The following KIAA1328 variants were observed in gnomAD, a reference collection of about 807,000 sequenced individuals.
The protein encoded by KIAA1328 is KIAA1328.
In KIAA1328, 52 loss-of-function variants were observed where a neutral mutation model predicts 68.1. That is an observed-to-expected ratio of 0.76 (90% CI 0.61 to 0.96). The LOEUF (loss-of-function observed/expected upper bound fraction) is 0.96, where lower values mean the gene tolerates loss of function less well. KIAA1328 is among the 40% of genes least tolerant of loss of function. The pLI is 0.00. For missense variants in KIAA1328, 641 were observed against 677.6 expected (o/e 0.95, Z 0.60); for synonymous variants, 232 against 239.4 (o/e 0.97, Z 0.28).
Position 36,948,349 on chromosome 18 carries a change from A to G in KIAA1328, c.449-10959A>G, listed in dbSNP as rs532683410. On this transcript the variant is annotated intron_variant, in intron 5 of 9. Coordinates refer to ENST00000280020, the MANE Select transcript of KIAA1328 (RefSeq NM_020776.3). ...CGATCTCGGCTCACTGCAACCTCCA[A>G]CTTCTTGGTTCAAGTGATTCTCCTG... Among the ~76,000 whole-genome samples the G allele has an allele frequency of 4.2e-4, 62 of 148,270 alleles. 1 individual carries two copies. Among genetic ancestry groups the G allele is most frequent in the African/African-American group, 1.5e-3 (62 of 40,258 alleles).
chr18:37,117,213 A>G (rs944741296), intron 7 of KIAA1328, among the ~76,000 whole-genome samples: 15 of 152,224 alleles, frequency 9.9e-5, no homozygotes, highest in Non-Finnish European at 2.1e-4. Flanking sequence ...CTGTGGCACT[A>G]TTCACAATAG....
At chr18:36,904,952 A>G (rs1240732699) in intron 5 of KIAA1328, among the ~76,000 whole-genome samples, 1 of 151,954 alleles carries the variant, frequency 6.6e-6, no homozygotes, top group African/African-American at 2.4e-5. Flanking sequence ...GGCTTATACT[A>G]CTTTAGCTAC....
intron 9 of KIAA1328, among the ~76,000 whole-genome samples, chr18:37,218,685 A>T (rs887640070): frequency 6.6e-6 from 1 of 152,136 alleles, no homozygotes; most frequent in Non-Finnish European, 1.5e-5. Flanking sequence ...GGTCTTCTCT[A>T]CACTGTTTAT....
intron 7 of KIAA1328, among the ~76,000 whole-genome samples, chr18:37,101,519 A>G (rs1277637829): frequency 1.3e-5 from 2 of 152,244 alleles, no homozygotes; most frequent in Non-Finnish European, 2.9e-5. Flanking sequence ...GGACTATGTG[A>G]AAAGACCAAA....
intron 7 of KIAA1328, among the ~76,000 whole-genome samples, chr18:37,073,162 A>T (rs10438948): frequency 0.15 from 23,541 of 152,210 alleles, 1,951 homozygotes; most frequent in African/African-American, 0.2. Context: ...AAATTGACAA[A>T]TGGGATCTAA....
chr18:37,192,997 AAATTTGCTTT>A (rs2059935465), intron 9 of KIAA1328, among the ~76,000 whole-genome samples: 1 of 152,188 alleles, frequency 6.6e-6, no homozygotes, highest in Non-Finnish European at 1.5e-5. Flanking sequence ...AAATTTGCCC[AAATTTGCTTT>A]TCATATCAAA....
intron 6 of KIAA1328, among the ~76,000 whole-genome samples, chr18:36,995,479 C>G (rs1598922669): frequency 6.6e-6 from 1 of 152,110 alleles, no homozygotes; most frequent in East Asian, 1.9e-4. Flanking sequence ...TTTCCAGTTT[C>G]TCGGTCCATC....
intron 5 of KIAA1328, among the ~76,000 whole-genome samples, chr18:36,937,879 G>T (rs1451650191): frequency 6.6e-6 from 1 of 151,866 alleles, no homozygotes; most frequent in East Asian, 1.9e-4. Context: ...TTCCATTCTT[G>T]GCTTATTTCA....
intron 7 of KIAA1328, among the ~76,000 whole-genome samples, chr18:37,076,132 T>C (rs868248405): frequency 1.8e-4 from 27 of 152,264 alleles, no homozygotes; most frequent in South Asian, 1.0e-3. Context: ...TAACAAACTG[T>C]CTCTCAGACC....
At chr18:37,010,939 C>G (rs571646534) in intron 6 of KIAA1328, among the ~76,000 whole-genome samples, 1 of 152,228 alleles carries the variant, frequency 6.6e-6, no homozygotes, top group Non-Finnish European at 1.5e-5. Flanking sequence ...GCTTCATGCT[C>G]TCAAGAAAGT....
rs528594355 is a variant in KIAA1328 at position 37,134,040 on chromosome 18, G to A, written c.1233-26160G>A. On this transcript the variant is annotated intron_variant, in intron 7 of 9. Transcript: ENST00000280020. ...CATTCTTTTTTTTTTTTGAGATGGA[G>A]TCTTGCTCCATAGCCCAGGCTGGAG... is the stretch of plus-strand genomic sequence containing the variant. 1.3e-4 allele frequency among the ~76,000 whole-genome samples: 19 copies of A among 150,910 alleles called. No homozygotes were observed. In the South Asian group the frequency reaches 3.8e-3, roughly 30 times the overall value.
chr18:37,079,292 G>T (rs1172116048), intron 7 of KIAA1328, among the ~76,000 whole-genome samples: 1 of 110,302 alleles, frequency 9.1e-6, no homozygotes, highest in Admixed American at 9.0e-5. Flanking sequence ...AGAACACATG[G>T]ACACAGGAAG....
At chr18:37,034,904 T>A (rs540885788) in intron 6 of KIAA1328, among the ~76,000 whole-genome samples, 1 of 152,286 alleles carries the variant, frequency 6.6e-6, no homozygotes, top group East Asian at 1.9e-4. Context: ...GTAATGGATA[T>A]AAAATGTGAA....
chr18:37,025,387 C>G (rs1405827815), intron 6 of KIAA1328, among the ~76,000 whole-genome samples: 1 of 152,208 alleles, frequency 6.6e-6, no homozygotes, highest in Non-Finnish European at 1.5e-5. Flanking sequence ...TAGACATATA[C>G]AGAACTCTCC....
At chr18:37,136,989 G>GTTGCTGCCGC (rs1429729959) in intron 7 of KIAA1328, among the ~76,000 whole-genome samples, 1 of 152,078 alleles carries the variant, frequency 6.6e-6, no homozygotes, top group Non-Finnish European at 1.5e-5. Context: ...CTTTCCCTCA[G>GTTGCTGCCGC]TTGCTGCTGC....
At chr18:37,151,314 C>A (rs1367541929) in intron 7 of KIAA1328, among the ~76,000 whole-genome samples, 4 of 152,130 alleles carry the variant, frequency 2.6e-5, no homozygotes, top group South Asian at 2.1e-4. Context: ...TTGAATTTGA[C>A]CAGTCGGTAT....
intron 7 of KIAA1328, among the ~76,000 whole-genome samples, chr18:37,134,118 A>G (rs1340827686): frequency 6.6e-6 from 1 of 151,678 alleles, no homozygotes; most frequent in East Asian, 2.0e-4. Flanking sequence ...GATACAAGCG[A>G]TTCTCCTGCC....
chr18:36,875,470 CTAT>C (rs1219082873), intron 4 of KIAA1328, among the ~76,000 whole-genome samples: 12 of 152,184 alleles, frequency 7.9e-5, no homozygotes, highest in East Asian at 1.9e-4. Flanking sequence ...CTCTGTTTGT[CTAT>C]TATTGGTGTA....
At chr18:36,883,952 G>GTATATGTGTATATATATATATATATATA (rs540895118) in intron 4 of KIAA1328, among the ~76,000 whole-genome samples, 1,517 of 120,492 alleles carry the variant, frequency 0.013, 36 homozygotes, top group Non-Finnish European at 0.018. Context: ...TATTTATAAA[G>GTATATGTGTATATATATATATATATATA]TATATATATA....
Sources: allele counts gnomAD v4.1 joint callset (sites outside exome capture counted in the v4.1 genomes callset), GRCh38; gene constraint gnomAD v4.1.1; transcripts MANE v1.5; gene names NCBI Gene and HGNC (gene_info 2026-07-23, HGNC 2026-07-21).